Variants in ANXA4 observed in about 807,000 individuals in gnomAD.
ANXA4 encodes the protein annexin A4.
In ANXA4, 39 loss-of-function variants were observed where a neutral mutation model predicts 49.8. The ratio of observed to expected loss-of-function variants is 0.78; its 90% CI spans 0.61 to 1.02. The LOEUF (loss-of-function observed/expected upper bound fraction) is 1.02, where lower values mean the gene tolerates loss of function less well. Among genes scored for constraint, ANXA4 ranks in the 50% least tolerant of loss-of-function variants. ANXA4 has a pLI of 0.00. For synonymous variants in ANXA4, 134 were observed against 152.5 expected (o/e 0.88, Z 0.89); for missense variants, 360 against 410.1 (o/e 0.88, Z 1.05).
chr2:69,804,634 C>G lies in ANXA4; in HGVS notation c.192+7C>G. 2.5e-6 allele frequency: 4 copies of G among 1,607,630 alleles called. No homozygotes were observed. The Admixed American group carries it at 5.1e-5, about 20-fold the overall frequency. ...CAAGAGCACCATCGGCAGGGTAGGC[C>G]ACAGTCTTTCCTGCTCTGTCTGGCT... On this transcript the variant is annotated splice_region_variant and intron_variant, in intron 4 of 12. Transcript: ENST00000394295.
intron 2 of ANXA4, among the ~76,000 whole-genome samples, chr2:69,687,189 C>T (rs1677820257): frequency 6.6e-6 from 1 of 152,084 alleles, no homozygotes; most frequent in Admixed American, 6.5e-5. Context: ...TACAAGGAGA[C>T]AGATTTCTGT....
At position 69,742,398 on chromosome 2, in the gene ANXA4, G is replaced by T. The variant is rs1050242071; in HGVS notation, c.-47+223G>T. On this transcript the variant is annotated intron_variant, in intron 1 of 12. Coordinates refer to ENST00000394295, the MANE Select transcript of ANXA4 (RefSeq NM_001153.5). Reference sequence around the variant, plus strand: ...AGGGAGGCGAGCGCGGTGCTTAACCGCTGGCACCATCCAGGACATCCAGGG... The same window carrying T: ...AGGGAGGCGAGCGCGGTGCTTAACCTCTGGCACCATCCAGGACATCCAGGG... Among the ~76,000 whole-genome samples the T allele has an allele frequency of 4.6e-5, 7 of 152,298 alleles. No homozygotes were observed. In the South Asian group the frequency reaches 1.2e-3, roughly 27 times the overall value.
At chr2:69,755,670 G>GA (rs1671014916) in intron 1 of ANXA4, among the ~76,000 whole-genome samples, 1 of 152,066 alleles carries the variant, frequency 6.6e-6, no homozygotes, top group South Asian at 2.1e-4. Flanking sequence ...TACCATGATT[G>GA]AAAAAATAAA....
At chr2:69,735,579 G>A (rs1670222630) in intron 3 of ANXA4, among the ~76,000 whole-genome samples, 1 of 150,210 alleles carries the variant, frequency 6.7e-6, no homozygotes, top group Admixed American at 6.8e-5. Context: ...CTCAACTGCA[G>A]TATCAGAGGG....
At chr2:69,689,632 A>G (rs1242734240) in intron 2 of ANXA4, among the ~76,000 whole-genome samples, 1 of 152,248 alleles carries the variant, frequency 6.6e-6, no homozygotes, top group Admixed American at 6.5e-5. Flanking sequence ...ATGGCGTATC[A>G]TAATAATGAA....
exon 1 of ANXA4, chr2:69,644,629 G>C (rs938198865): frequency 2.6e-5 from 4 of 152,160 alleles, no homozygotes; most frequent in Admixed American, 6.5e-5. Context: ...TAGGATACCG[G>C]AGACCCAGCC....
intron 1 of ANXA4, among the ~76,000 whole-genome samples, chr2:69,767,475 A>G (rs956251511): frequency 3.9e-5 from 6 of 152,236 alleles, no homozygotes; most frequent in African/African-American, 1.2e-4. Flanking sequence ...GGAGGGCCAC[A>G]GAATGTGCTT....
rs530104474 is a variant in ANXA4 at position 69,675,298 on chromosome 2, A to G, written n.766+22016A>G. Among the ~76,000 whole-genome samples the G allele has an allele frequency of 2.4e-4, 37 of 152,320 alleles. 1 individual carries two copies. The South Asian group carries it at 7.7e-3, about 32-fold the overall frequency. On this transcript the variant is annotated intron_variant and non_coding_transcript_variant, in intron 2 of 3. Transcript: ENST00000418066. The stretch of plus-strand genomic sequence containing the variant: ...TTTACATAGTAGAATCGCAGCATAT[A>G]GTTTTATATTCTGTTATTTCACTTA...
intron 3 of ANXA4, among the ~76,000 whole-genome samples, chr2:69,721,452 G>A (rs942240015): frequency 7.2e-5 from 11 of 152,136 alleles, no homozygotes; most frequent in Admixed American, 5.2e-4. Flanking sequence ...TGATGCCTGC[G>A]ATCCCAGCAC....
chr2:69,683,281 G>A (rs1411401624), intron 2 of ANXA4, among the ~76,000 whole-genome samples: 2 of 152,126 alleles, frequency 1.3e-5, no homozygotes, highest in Non-Finnish European at 2.9e-5. Flanking sequence ...CCCTCCTACT[G>A]CATAACTCTG....
chr2:69,714,269 GA>G (rs563065812), intron 2 of ANXA4, among the ~76,000 whole-genome samples: 252 of 152,122 alleles, frequency 1.7e-3, no homozygotes, highest in African/African-American at 5.9e-3. Flanking sequence ...AGCCCCACCA[GA>G]ACCCCATGGA....
chr2:69,701,976 T>TTTG (rs1256678594), intron 2 of ANXA4, among the ~76,000 whole-genome samples: 6 of 152,198 alleles, frequency 3.9e-5, no homozygotes, highest in African/African-American at 1.4e-4. Context: ...ATCTTTTTAC[T>TTTG]TTGTACACAG....
At chr2:69,769,972 T>A (rs1412307425) in intron 1 of ANXA4, among the ~76,000 whole-genome samples, 1 of 152,202 alleles carries the variant, frequency 6.6e-6, no homozygotes, top group Non-Finnish European at 1.5e-5. Flanking sequence ...CTAAGATACA[T>A]GTTTTTTAAT....
At chr2:69,690,006 T>A (rs988192062) in intron 2 of ANXA4, among the ~76,000 whole-genome samples, 1 of 152,228 alleles carries the variant, frequency 6.6e-6, no homozygotes, top group Non-Finnish European at 1.5e-5. Context: ...CAATTTTTTC[T>A]ACCTTGTTTT....
intron 2 of ANXA4, among the ~76,000 whole-genome samples, chr2:69,688,692 A>G (rs911959417): frequency 2.0e-5 from 3 of 152,242 alleles, no homozygotes; most frequent in African/African-American, 4.8e-5. Flanking sequence ...AAGCATTATG[A>G]TGAACTAATG....
intron 1 of ANXA4, among the ~76,000 whole-genome samples, chr2:69,776,243 T>C (rs1359209904): frequency 1.3e-5 from 2 of 152,138 alleles, no homozygotes; most frequent in Admixed American, 1.3e-4. Context: ...CCCAAAGTGC[T>C]GGAATTACAG....
intron 2 of ANXA4, among the ~76,000 whole-genome samples, chr2:69,687,383 C>G (rs116398058): frequency 0.017 from 2,589 of 152,150 alleles, 73 homozygotes; most frequent in African/African-American, 0.06. Context: ...TGGCACACAC[C>G]TGTGGTCCCA....
intron 1 of ANXA4, among the ~76,000 whole-genome samples, chr2:69,743,793 C>T (rs1433149013): frequency 2.0e-5 from 3 of 152,064 alleles, no homozygotes; most frequent in Non-Finnish European, 4.4e-5. Flanking sequence ...AATTTCCCTC[C>T]TAGATGTTCT....
At chr2:69,728,255 C>T (rs970094781) in intron 3 of ANXA4, among the ~76,000 whole-genome samples, 3 of 152,064 alleles carry the variant, frequency 2.0e-5, no homozygotes, top group Admixed American at 6.5e-5. Flanking sequence ...GCTTTTACTT[C>T]GTTGCTTCTC....
Sources: allele counts gnomAD v4.1 joint callset (sites outside exome capture counted in the v4.1 genomes callset), GRCh38; gene constraint gnomAD v4.1.1; transcripts MANE v1.5; gene names NCBI Gene and HGNC (gene_info 2026-07-23, HGNC 2026-07-21).